Variants in PDLIM3 observed in about 807,000 individuals in gnomAD.
PDLIM3 encodes PDZ and LIM domain 3.
In PDLIM3, 36 loss-of-function variants were observed where a neutral mutation model predicts 37.3. That is an observed-to-expected ratio of 0.97 (90% confidence interval 0.74 to 1.28). The LOEUF (loss-of-function observed/expected upper bound fraction) is 1.28. Ranked by LOEUF, PDLIM3 falls within the 50% of genes most tolerant of loss-of-function variation. The pLI is 0.00. For missense variants in PDLIM3, 454 were observed against 485.0 expected, an observed-to-expected ratio of 0.94 and a Z score of 0.60; for synonymous variants, 174 against 182.4, an observed-to-expected ratio of 0.95 and a Z score of 0.37.
At chr4:185,505,731 C>A (rs1197290932) in intron 6 of PDLIM3, among the ~76,000 whole-genome samples, 1 of 152,128 alleles carries the variant, frequency 6.6e-6, no homozygotes, top group African/African-American at 2.4e-5. Context: ...CTGTGTTTAA[C>A]TTTTCCAGGA....
intron 3 of PDLIM3, chr4:185,517,450 T>C (rs1319831748): frequency 6.6e-6 from 1 of 150,644 alleles, no homozygotes; most frequent in Admixed American, 6.7e-5. Context: ...ATATAATGGC[T>C]TTATGGAAAA....
rs1055702 is a variant in PDLIM3 at position 185,502,339 on chromosome 4, C to T, written c.1050G>A (p.Lys350=). 6.2e-7 allele frequency: 1 copy of T among 1,614,216 alleles called. No individual in the cohort carries two copies. The highest frequency in any genetic ancestry group is 8.5e-7 in the Non-Finnish European group (1 of 1,180,036). Residue 350 remains lysine (K), a synonymous_variant, in exon 8 of 8, where the codon AAG becomes AAA. Coordinates refer to ENST00000284767, the MANE Select transcript of PDLIM3 (RefSeq NM_014476.6). ...YCETHARART[K]PPEGYDTVTL... ...TGACCGTGTCATAGCCCTCTGGGGGCTTTGTGCGGGCTCTTGCGTGGGTTT... is the reference window on the plus strand; with the variant it reads ...TGACCGTGTCATAGCCCTCTGGGGGTTTTGTGCGGGCTCTTGCGTGGGTTT...
chr4:185,502,278 C>T lies in PDLIM3; in HGVS notation c.*16G>A. 6.2e-7 allele frequency: 1 copy of T among 1,612,476 alleles called. No homozygotes were observed. Among genetic ancestry groups the T allele is most frequent in the Non-Finnish European group, 8.5e-7 (1 of 1,178,716 alleles). On this transcript the variant is annotated 3_prime_UTR_variant, in exon 8 of 8. Transcript: ENST00000284767. ...GCGTGGGTGGGTGCGTGCGTGCGTG[C>T]CACGCCTGCAGAGACTTAAGCTTTG...
At chr4:185,530,967 A>AACACACACACAC (rs755319452) in intron 1 of PDLIM3, among the ~76,000 whole-genome samples, 2 of 51,420 alleles carry the variant, frequency 3.9e-5, no homozygotes, top group Non-Finnish European at 7.9e-5. Context: ...CATGCATAGA[A>AACACACACACAC]ACACACACAC....
Position 185,514,001 on chromosome 4 carries a change from C to A in PDLIM3, c.398+269G>T, listed in dbSNP as rs2095710732. 1.5e-6 allele frequency: 2 copies of A among 1,316,886 alleles called. No homozygotes were observed. Among genetic ancestry groups the A allele is most frequent in the South Asian group, 1.5e-5 (1 of 65,204 alleles). The allele number at this position is 1,316,886 out of a possible 1,614,324, so 81.6% of individuals were successfully genotyped here. ...AAGGTCACAGTGTTCTGGATGGGAT[C>A]CCCAGAGCCTCAGGGGTGTTCGCTA... On this transcript the variant is annotated intron_variant, in intron 4 of 7. Transcript: ENST00000284767. This position sits in a 1 kb window ranked among gnomAD's most constrained non-coding sequence, Gnocchi z 4.0.
intron 3 of PDLIM3, among the ~76,000 whole-genome samples, chr4:185,518,631 C>T (rs2095718295): frequency 6.6e-6 from 1 of 152,118 alleles, no homozygotes; most frequent in South Asian, 2.1e-4. Context: ...TCCTCATACT[C>T]ACCCCTCAAA....
chr4:185,515,795 A>G (rs2095714017), intron 3 of PDLIM3: 1 of 152,128 alleles, frequency 6.6e-6, no homozygotes, highest in Admixed American at 6.5e-5. Context: ...ACAGATTTAT[A>G]ATTTTGTAAA....
intron 7 of PDLIM3, among the ~76,000 whole-genome samples, chr4:185,503,101 G>A (rs551245894): frequency 1.3e-5 from 2 of 152,258 alleles, no homozygotes; most frequent in African/African-American, 4.8e-5. Flanking sequence ...GTGGGCACCT[G>A]TAGTCCCAGC....
At chr4:185,529,235 G>C (rs1049093765) in intron 1 of PDLIM3, among the ~76,000 whole-genome samples, 1 of 152,168 alleles carries the variant, frequency 6.6e-6, no homozygotes, top group Non-Finnish European at 1.5e-5. Context: ...GAATCTCTAG[G>C]AGAGGAGCCA....
chr4:185,521,399 C>CTTT (rs528835696), intron 3 of PDLIM3, among the ~76,000 whole-genome samples: 3 of 44,956 alleles, frequency 6.7e-5, no homozygotes, highest in Non-Finnish European at 9.3e-5. Context: ...CTTTTCTTTT[C>CTTT]TTTTTTTTTT....
chr4:185,528,900 T>C (rs758558537), intron 1 of PDLIM3, among the ~76,000 whole-genome samples: 12 of 152,260 alleles, frequency 7.9e-5, no homozygotes, highest in Non-Finnish European at 1.5e-4. Context: ...CTGTTTTCCC[T>C]GCATTACTTT....
At chr4:185,525,323 G>C (rs1363816148) in intron 1 of PDLIM3, 152 bp from the exon 2 acceptor site, 1 of 758,452 alleles carries the variant, frequency 1.3e-6, no homozygotes, top group Non-Finnish European at 2.2e-6. Context: ...TAGTTGGTCA[G>C]TTGAGTTAGG....
intron 6 of PDLIM3, among the ~76,000 whole-genome samples, chr4:185,505,282 A>T (rs546175170): frequency 6.6e-6 from 1 of 152,254 alleles, no homozygotes; most frequent in African/African-American, 2.4e-5. Context: ...TCATCAGTCA[A>T]TGGACATTGG....
intron 4 of PDLIM3, among the ~76,000 whole-genome samples, chr4:185,510,721 T>C (rs571456016): frequency 1.4e-4 from 22 of 152,348 alleles, no homozygotes; most frequent in African/African-American, 5.3e-4. Flanking sequence ...CAACAGTATA[T>C]GCATATGTGT....
chr4:185,506,511 C>T lies in PDLIM3; in HGVS notation c.793+11G>A, dbSNP rs767321529. The T allele has an allele frequency of 3.3e-5, 54 of 1,613,342 alleles. No homozygotes were observed. Among genetic ancestry groups the T allele is most frequent in the African/African-American group, 5.3e-5 (4 of 74,912 alleles). ...ATCAATACGTTTCAGCAGGTGTCAG[C>T]GGCTGCTCACCAGAGCCATCGTCCA... On this transcript the variant is annotated intron_variant, in intron 6 of 7. Transcript: ENST00000284767.
In PDLIM3 at chr4:185,506,506, G is replaced by C. The variant is rs1156600814; in HGVS notation, c.793+16C>G. On this transcript the variant is annotated intron_variant, in intron 6 of 7. Coordinates refer to ENST00000284767, the MANE Select transcript of PDLIM3 (RefSeq NM_014476.6). ...CCTCTATCAATACGTTTCAGCAGGT[G>C]TCAGCGGCTGCTCACCAGAGCCATC... The C allele has an allele frequency of 3.1e-6, 5 of 1,613,490 alleles. No homozygotes were observed. Among genetic ancestry groups the C allele is most frequent in the Non-Finnish European group, 4.2e-6 (5 of 1,179,982 alleles).
chr4:185,506,360 G>A (rs542463510), intron 6 of PDLIM3, among the ~76,000 whole-genome samples, 162 bp downstream of exon 6: 7 of 152,164 alleles, frequency 4.6e-5, no homozygotes, highest in African/African-American at 1.4e-4. Context: ...TTTTTTAAAC[G>A]AGGCACCATC....
intron 1 of PDLIM3, among the ~76,000 whole-genome samples, chr4:185,531,469 A>G (rs2095744274): frequency 6.6e-6 from 1 of 152,194 alleles, no homozygotes; most frequent in South Asian, 2.1e-4. Context: ...TGATTTTTTT[A>G]TAATACAAAG....
chr4:185,513,385 A>G, intron 4 of PDLIM3: 1 of 982,498 alleles, frequency 1.0e-6, no homozygotes, highest in Non-Finnish European at 1.2e-6. Context: ...GACAGGAGTC[A>G]TAAGCTCGGG....
Sources: gnomAD v4.1 joint callset for allele counts (sites outside exome capture counted in the v4.1 genomes callset) on GRCh38, gnomAD v4.1.1 for gene constraint, Gnocchi (gnomAD v3.1) non-coding constraint, MANE v1.5 for transcripts, NCBI Gene and HGNC (gene_info 2026-07-23, HGNC 2026-07-21) for gene names.